The following HIVEP3 variants were observed in gnomAD, a reference collection of about 807,000 sequenced individuals.
HIVEP3 encodes HIVEP zinc finger 3.
In HIVEP3, 49 loss-of-function variants were observed where a neutral mutation model predicts 152.8. The ratio of observed to expected loss-of-function variants is 0.32; its 90% CI spans 0.26 to 0.41. The LOEUF is 0.41. Among genes scored for constraint, HIVEP3 ranks in the 10% least tolerant of loss-of-function variants. HIVEP3 has a pLI of 1.00. For missense variants in HIVEP3, 2,790 were observed against 3,103.3 expected (o/e 0.90, Z 2.40); for synonymous variants, 1,269 against 1,289.0 (o/e 0.98, Z 0.33).
intron 1 of HIVEP3, among the ~76,000 whole-genome samples, chr1:41,796,592 C>G (rs906386600): frequency 2.0e-5 from 3 of 152,236 alleles, no homozygotes; most frequent in Non-Finnish European, 4.4e-5. Context: ...TGGCACATGC[C>G]AGGGCCCCTC....
Position 41,583,108 on chromosome 1 carries a change from C to G in HIVEP3, c.1690G>C (p.Asp564His). 6.2e-7 allele frequency: 1 copy of G among 1,613,236 alleles called. No homozygotes were observed. Among genetic ancestry groups the G allele is most frequent in the Non-Finnish European group, 8.5e-7 (1 of 1,179,804 alleles). ...GCTTCGGAGTCGGTGATATGGTCATCGAAGGAGTAGCTACCTCGGAAGGGG... is the reference window on the plus strand; with the variant it reads ...GCTTCGGAGTCGGTGATATGGTCATGGAAGGAGTAGCTACCTCGGAAGGGG... Reference protein sequence around the residue: ...HHPFRGSYSFDDHITDSEALS... With the variant: ...HHPFRGSYSFHDHITDSEALS... Residue 564 changes from aspartate to histidine, a missense_variant, in exon 4 of 9, where the codon GAT (aspartate) becomes CAT (histidine). Physicochemically the swap from Asp to His is moderately conservative, Grantham distance 81. This residue lies in a region of HIVEP3 where 339 missense variants were observed against 327.0 expected (regional missense o/e 1.04). Coordinates refer to ENST00000372583, the MANE Select transcript of HIVEP3 (RefSeq NM_024503.5). The surrounding 1 kb of genome is among the most constrained non-coding windows in gnomAD (Gnocchi z 6.9).
intron 3 of HIVEP3, among the ~76,000 whole-genome samples, chr1:41,588,155 G>C (rs961373902): frequency 1.3e-5 from 2 of 152,218 alleles, no homozygotes; most frequent in Non-Finnish European, 2.9e-5. Flanking sequence ...GCAGCACAGA[G>C]AGAACTGCTC....
At chr1:41,663,018 G>A (rs1393505249) in intron 2 of HIVEP3, among the ~76,000 whole-genome samples, 2 of 152,232 alleles carry the variant, frequency 1.3e-5, no homozygotes, top group Non-Finnish European at 2.9e-5. Flanking sequence ...GACACCCCGG[G>A]GCTTCCCAAT....
chr1:41,979,022 G>A (rs779377914), intron 1 of HIVEP3, among the ~76,000 whole-genome samples: 15 of 152,104 alleles, frequency 9.9e-5, no homozygotes, highest in Non-Finnish European at 2.2e-4. Context: ...CCAGGGACCC[G>A]ATTCCCCAGC....
chr1:41,766,004 C>T (rs1423073495), intron 1 of HIVEP3, among the ~76,000 whole-genome samples: 4 of 152,240 alleles, frequency 2.6e-5, no homozygotes, highest in Non-Finnish European at 4.4e-5. Flanking sequence ...CTATTTGCTG[C>T]TGCACTTGCC....
rs1644462694 is a variant in HIVEP3, at chr1:41,583,931, A to T, written c.867T>A (p.Ser289Arg). The T allele has an allele frequency of 1.9e-6, 3 of 1,614,002 alleles. No homozygotes were observed. Among genetic ancestry groups the T allele is most frequent in the African/African-American group, 1.3e-5 (1 of 74,910 alleles). ...GCTCTGCAGGGTGACCAGAGGTGGC[A>T]CTAGTCTCCTCTTCAGAATCTGTGC... ...GESTDSEEET[S>R]ATSGHPAELS... is the part of the protein sequence containing the mutation. The change falls in exon 4 of 9, where the codon AGT becomes AGA. Residue 289 changes from serine (S) to arginine (R), a missense_variant. Physicochemically the swap from Ser to Arg is moderately radical, Grantham distance 110 (BLOSUM62 -1). Coordinates refer to ENST00000372583, the MANE Select transcript of HIVEP3 (RefSeq NM_024503.5). The surrounding 1 kb of genome is among the most constrained non-coding windows in gnomAD (Gnocchi z 6.9).
intron 1 of HIVEP3, among the ~76,000 whole-genome samples, chr1:41,932,232 T>C (rs966337357): frequency 1.3e-5 from 2 of 151,938 alleles, no homozygotes; most frequent in Admixed American, 1.3e-4. Context: ...TCTGTAAATA[T>C]ATTTAATTTT....
intron 1 of HIVEP3, among the ~76,000 whole-genome samples, chr1:41,837,618 G>A (rs889201662): frequency 1.3e-5 from 2 of 152,288 alleles, no homozygotes; most frequent in South Asian, 2.1e-4. Context: ...GAGCCACCAC[G>A]CCCGGCCTGC....
In HIVEP3 at chr1:41,527,088, CCA is replaced by C. The variant is rs765772372; in HGVS notation, c.5208-2180_5208-2179del. On this transcript the variant is annotated intron_variant, in intron 5 of 8. Transcript: ENST00000372583. ...CTCACATGCTCATCCTCACACACACCCACACACCCACACTCACCCTCACACAC... is the reference window on the plus strand; with the variant it reads ...CTCACATGCTCATCCTCACACACACCCACACCCACACTCACCCTCACACAC... 1.6e-3 allele frequency among the ~76,000 whole-genome samples: 168 copies of C among 102,734 alleles called. 2 individuals are homozygous for C. The highest frequency in any genetic ancestry group is 4.9e-3 in the South Asian group (13 of 2,666). The allele number at this position is 102,734 out of a possible 152,430, so 67.4% of individuals were successfully genotyped here. A position where few individuals can be genotyped will look rare whatever the true frequency, so the allele number is the denominator to read the frequency against.
chr1:41,637,433 A>G (rs1645292134), intron 2 of HIVEP3, among the ~76,000 whole-genome samples: 1 of 152,242 alleles, frequency 6.6e-6, no homozygotes, highest in African/African-American at 2.4e-5. Context: ...CGCTTCTCAC[A>G]GGTAGTCTCC....
chr1:41,944,212 C>G (rs1221883041), intron 1 of HIVEP3, among the ~76,000 whole-genome samples: 1 of 152,040 alleles, frequency 6.6e-6, no homozygotes, highest in Non-Finnish European at 1.5e-5. Flanking sequence ...CCAGGTTGCA[C>G]AATATGAAGG....
At chr1:41,737,316 C>G (rs983321978) in intron 1 of HIVEP3, among the ~76,000 whole-genome samples, 7 of 152,166 alleles carry the variant, frequency 4.6e-5, no homozygotes, top group African/African-American at 1.7e-4. Context: ...GGCACTTGAC[C>G]GATACTCTTG....
At chr1:41,617,209 C>A (rs913524901) in intron 3 of HIVEP3, among the ~76,000 whole-genome samples, 6 of 148,290 alleles carry the variant, frequency 4.0e-5, no homozygotes, top group African/African-American at 1.5e-4. Context: ...TAGAATTTTG[C>A]CATAAACATC....
intron 1 of HIVEP3, among the ~76,000 whole-genome samples, chr1:41,783,537 C>CA (rs1649175097): frequency 6.6e-6 from 1 of 152,136 alleles, no homozygotes; most frequent in Non-Finnish European, 1.5e-5. Context: ...GGGATGCGGG[C>CA]AACCTCACAG....
rs1406735982 is a variant in HIVEP3 at position 41,664,116 on chromosome 1, CCTTCACACCCTG to C, written c.-720-35181_-720-35170del. Reference sequence around the variant, plus strand: ...TGTCTTCTCCACCCCCTCCAGCTGTCCTTCACACCCTGAATCCAAGCCTGCCCTTGATACAGG... The same window carrying C: ...TGTCTTCTCCACCCCCTCCAGCTGTCAATCCAAGCCTGCCCTTGATACAGG... On this transcript the variant is annotated intron_variant, in intron 2 of 8. Transcript: ENST00000372583. The surrounding 1 kb of genome is among the most constrained non-coding windows in gnomAD (Gnocchi z 4.4). Among the ~76,000 whole-genome samples, 1 of 152,210 alleles carries C rather than the reference CCTTCACACCCTG, an allele frequency of 6.6e-6. No homozygotes were observed. Among genetic ancestry groups the C allele is most frequent in the Non-Finnish European group, 1.5e-5 (1 of 68,042 alleles).
intron 1 of HIVEP3, among the ~76,000 whole-genome samples, chr1:41,751,197 G>T (rs1009142063): frequency 2.0e-5 from 3 of 152,122 alleles, no homozygotes; most frequent in African/African-American, 7.2e-5. Flanking sequence ...CCATAGAACT[G>T]CTCTGAGGAT....
intron 5 of HIVEP3, among the ~76,000 whole-genome samples, chr1:41,532,762 T>C (rs1029067017): frequency 1.8e-4 from 28 of 152,072 alleles, no homozygotes; most frequent in Admixed American, 3.3e-4. Flanking sequence ...TCTTTAAGCA[T>C]TGAGTATGAG....
At chr1:41,596,034 G>A (rs1644661217) in intron 3 of HIVEP3, among the ~76,000 whole-genome samples, 2 of 152,180 alleles carry the variant, frequency 1.3e-5, no homozygotes, top group Admixed American at 1.3e-4. Context: ...AAGCACAGGG[G>A]GCTGGAATGT....
chr1:41,758,863 G>A (rs1367557372), intron 1 of HIVEP3, among the ~76,000 whole-genome samples: 2 of 152,132 alleles, frequency 1.3e-5, no homozygotes, highest in African/African-American at 4.8e-5. Flanking sequence ...TAGGAGAATG[G>A]GGGGTACTGG....
Sources: allele counts gnomAD v4.1 joint callset (sites outside exome capture counted in the v4.1 genomes callset), GRCh38; gene constraint gnomAD v4.1.1; regional missense constraint gnomAD v4.1.1; non-coding constraint Gnocchi (gnomAD v3.1); transcripts MANE v1.5; gene names NCBI Gene and HGNC (gene_info 2026-07-23, HGNC 2026-07-21).